SDAD1: variants seen among roughly 807,000 people sequenced by gnomAD.
The protein encoded by SDAD1 is SDA1 domain containing 1.
SDAD1 carries 79 observed loss-of-function variants against 100.3 expected under a neutral mutation model. The observed-to-expected ratio is 0.79, with a 90% confidence interval of 0.66 to 0.95. The LOEUF (loss-of-function observed/expected upper bound fraction) is 0.95, where lower values mean the gene tolerates loss of function less well. Among genes scored for constraint, SDAD1 ranks in the 40% least tolerant of loss-of-function variants. The pLI, the probability that SDAD1 is intolerant of heterozygous loss-of-function variation, is 0.00. For missense variants in SDAD1, 790 were observed against 810.9 expected (o/e 0.97, Z 0.31); for synonymous variants, 267 against 271.4 (o/e 0.98, Z 0.16).
chr4:75,952,603 C>G (rs1728675512), intron 21 of SDAD1, among the ~76,000 whole-genome samples: 1 of 152,202 alleles, frequency 6.6e-6, no homozygotes, highest in Non-Finnish European at 1.5e-5. Flanking sequence ...ATTTAAGACA[C>G]TGAAATATCA....
intron 3 of SDAD1, chr4:75,980,823 G>C (rs1730458176): frequency 6.5e-6 from 1 of 154,652 alleles, no homozygotes; most frequent in Non-Finnish European, 1.4e-5. Flanking sequence ...GCAGAGAAAG[G>C]GCAGCTGAGG....
chr4:75,967,197 T>C (rs1729595961), intron 12 of SDAD1, 80 bp downstream of exon 12: 3 of 1,344,434 alleles, frequency 2.2e-6, no homozygotes, highest in African/African-American at 1.4e-5. Flanking sequence ...CTCCTGTCTT[T>C]AGTGATTCCA....
chr4:75,990,718 C>T (rs1731213777), intron 1 of SDAD1, 34 bp downstream of exon 1: 1 of 1,613,074 alleles, frequency 6.2e-7, no homozygotes, highest in African/African-American at 1.3e-5. Flanking sequence ...CATCCACTAT[C>T]CGGCCTCTAG....
At chr4:75,959,097 CAAAAAAAAAAAAAAAAAA>C (rs61245198) in intron 17 of SDAD1, among the ~76,000 whole-genome samples, 4 of 54,984 alleles carry the variant, frequency 7.3e-5, no homozygotes, top group African/African-American at 3.3e-4. Flanking sequence ...GACTCTGTCT[CAAAAAAAAAAAAAAAAAA>C]AAAAAAAAAA....
chr4:75,966,792 CAG>C (rs1729568773), intron 12 of SDAD1, among the ~76,000 whole-genome samples: 1 of 152,120 alleles, frequency 6.6e-6, no homozygotes, highest in Admixed American at 6.6e-5. Flanking sequence ...CTTTTTGAGA[CAG>C]AGTTTTGCTC....
At chr4:75,965,001 C>T (rs533621879) in intron 13 of SDAD1, among the ~76,000 whole-genome samples, 41 of 152,192 alleles carry the variant, frequency 2.7e-4, no homozygotes, top group Non-Finnish European at 5.6e-4. Context: ...AGGGTAACAG[C>T]GATGTTCAGG....
At chr4:75,969,273 G>A (rs1176885310) in intron 11 of SDAD1, 23 bp downstream of exon 11, 1 of 1,565,858 alleles carries the variant, frequency 6.4e-7, no homozygotes, top group Admixed American at 1.7e-5. Flanking sequence ...TATTCACCAA[G>A]AGAAACATAA....
intron 20 of SDAD1, among the ~76,000 whole-genome samples, chr4:75,956,931 G>A (rs901237293): frequency 1.3e-5 from 2 of 152,170 alleles, no homozygotes; most frequent in African/African-American, 4.8e-5. Flanking sequence ...CCAACATGGC[G>A]AAACCTTGAC....
At chr4:75,990,204 C>T (rs184331231) in intron 1 of SDAD1, among the ~76,000 whole-genome samples, 2 of 151,716 alleles carry the variant, frequency 1.3e-5, no homozygotes, top group Non-Finnish European at 2.9e-5. Context: ...TCATGCCAGT[C>T]TCCGGTAAGT....
chr4:75,966,430 C>G (rs575989636), intron 12 of SDAD1, among the ~76,000 whole-genome samples: 3 of 151,994 alleles, frequency 2.0e-5, no homozygotes, highest in Admixed American at 6.6e-5. Context: ...TTTTTTTTCC[C>G]TCTCTTTGTA....
intron 4 of SDAD1, among the ~76,000 whole-genome samples, chr4:75,977,174 A>G (rs1041370605): frequency 6.6e-6 from 1 of 152,222 alleles, no homozygotes; most frequent in Non-Finnish European, 1.5e-5. Flanking sequence ...GAAAATGTTA[A>G]TAACAACAAA....
intron 12 of SDAD1, among the ~76,000 whole-genome samples, chr4:75,966,165 T>C (rs1442070198): frequency 6.6e-5 from 10 of 152,116 alleles, no homozygotes; most frequent in Admixed American, 5.2e-4. Context: ...ATGTAAGCCA[T>C]GAGGGTAAGG....
In SDAD1 at chr4:75,950,766, C is replaced by A. The variant is rs1728584783; in HGVS notation, c.2048G>T (p.Arg683Ile). ...LALRDALLKKRKRMK is the reference protein window; with the variant it reads ...LALRDALLKKIKRMK The stretch of plus-strand genomic sequence containing the variant: ...GCCAGGAAGTTACTTCATTCTTTTT[C>A]TCTTTTTCAAAAGTGCATCTCGTAG... Residue 683 changes from arginine to isoleucine, a missense_variant, in exon 22 of 22, where the codon AGA becomes ATA. Coordinates refer to ENST00000356260, the MANE Select transcript of SDAD1 (RefSeq NM_018115.4). The A allele has an allele frequency of 6.3e-7, 1 of 1,591,708 alleles. No individual in the cohort carries two copies. The highest frequency in any genetic ancestry group is 1.3e-5 in the African/African-American group (1 of 74,624).
At chr4:75,974,767 C>A (rs1308943147) in intron 6 of SDAD1, among the ~76,000 whole-genome samples, 2 of 149,852 alleles carry the variant, frequency 1.3e-5, no homozygotes, top group Admixed American at 6.6e-5. Context: ...ATAGGCCGGG[C>A]GCAGTGGCTC....
At chr4:75,988,135 C>T (rs1437084100) in intron 1 of SDAD1, among the ~76,000 whole-genome samples, 1 of 152,180 alleles carries the variant, frequency 6.6e-6, no homozygotes, top group East Asian at 1.9e-4. Context: ...CCAATAGCTT[C>T]TTATGTGGTG....
In SDAD1 at chr4:75,950,407, ATG is replaced by A. The variant is rs1728566993; in HGVS notation, c.*341_*342del. ...TTTACACTGCACTGTAAATACACAT[ATG>A]TGTGTCCACCCTCACAGCTAAGCTG... On this transcript the variant is annotated 3_prime_UTR_variant, in exon 22 of 22. Coordinates refer to ENST00000356260, the MANE Select transcript of SDAD1 (RefSeq NM_018115.4). The A allele has an allele frequency of 8.9e-6, 2 of 225,338 alleles. No individual in the cohort carries two copies. Among genetic ancestry groups the A allele is most frequent in the Non-Finnish European group, 1.8e-5 (2 of 110,828 alleles). The allele number at this position is 225,338 out of a possible 1,614,324, so 14.0% of individuals were successfully genotyped here. A position where few individuals can be genotyped will look rare whatever the true frequency, so the allele number is the denominator to read the frequency against.
At chr4:75,959,328 G>A (rs1729100797) in intron 17 of SDAD1, among the ~76,000 whole-genome samples, 1 of 152,056 alleles carries the variant, frequency 6.6e-6, no homozygotes, top group Admixed American at 6.6e-5. Flanking sequence ...AATAGGCTGG[G>A]TGCACTGGCT....
Position 75,984,165 on chromosome 4 carries a change from T to TA in SDAD1, c.91-2129dup, listed in dbSNP as rs149376871. 7.1e-3 allele frequency among the ~76,000 whole-genome samples: 982 copies of TA among 138,988 alleles called. 12 individuals are homozygous for TA. Among genetic ancestry groups the TA allele is most frequent in the African/African-American group, 0.018 (671 of 37,390 alleles). The allele number at this position is 138,988 out of a possible 152,430, so 91.2% of individuals were successfully genotyped here. Reference sequence around the variant, plus strand: ...GGTCTATGTATCTGTTTTGGTACCTTAAAAAAAAAAAAAAAAGACTAGGTC... The same window carrying TA: ...GGTCTATGTATCTGTTTTGGTACCTTAAAAAAAAAAAAAAAAAGACTAGGTC... On this transcript the variant is annotated intron_variant, in intron 1 of 21. Transcript: ENST00000356260.
intron 1 of SDAD1, among the ~76,000 whole-genome samples, chr4:75,990,236 T>C (rs1158125066): frequency 1.3e-5 from 2 of 148,784 alleles, no homozygotes; most frequent in Non-Finnish European, 1.5e-5. Context: ...CTTAACTAAA[T>C]ATACTAAGCT....
Sources: allele counts gnomAD v4.1 joint callset (sites outside exome capture counted in the v4.1 genomes callset), GRCh38; gene constraint gnomAD v4.1.1; transcripts MANE v1.5; gene names NCBI Gene and HGNC (gene_info 2026-07-23, HGNC 2026-07-21).